Variants in POLR3H observed in about 807,000 individuals in gnomAD.
POLR3H encodes the protein RNA polymerase III subunit H.
Under a neutral mutation model 25.5 loss-of-function variants are expected in POLR3H, and 17 were observed. The observed-to-expected ratio is 0.67, with a 90% CI of 0.46 to 1.00. POLR3H has a LOEUF of 1.00. POLR3H is among the 50% of genes least tolerant of loss of function. The pLI is 0.00. For synonymous variants in POLR3H, 129 were observed against 103.0 expected (o/e 1.25, Z -1.53); for missense variants, 274 against 265.0 (o/e 1.03, Z -0.24).
chr22:41,532,743 G>C lies in POLR3H; in HGVS notation c.211C>G (p.His71Asp). Reference sequence around the variant, plus strand: ...GGATGAAACACCACGCAGCGAAAATGGACTGGAAATGAAGACAGCCCATCA... The same window carrying C: ...GGATGAAACACCACGCAGCGAAAATCGACTGGAAATGAAGACAGCCCATCA... ...PGDGASHTKV[H>D]FRCVVFHPFL... is the part of the protein sequence containing the mutation. Residue 71 changes from histidine to aspartate, a missense_variant and splice_region_variant, in exon 3 of 6, where the codon CAT becomes GAT. His to Asp is a moderately conservative substitution (Grantham distance 81). Coordinates refer to ENST00000355209, the MANE Select transcript of POLR3H (RefSeq NM_001018050.4). 1 of 1,613,716 alleles carries C rather than the reference G, an allele frequency of 6.2e-7. No individual in the cohort carries two copies. The highest frequency in any genetic ancestry group is 1.1e-5 in the South Asian group (1 of 91,046).
At chr22:41,542,461 A>C (rs2066944470) in intron 1 of POLR3H, among the ~76,000 whole-genome samples, 2 of 149,024 alleles carry the variant, frequency 1.3e-5, no homozygotes, top group South Asian at 2.2e-4. Context: ...GCCCCCTCCC[A>C]CCCTAGAAAG....
Position 41,528,791 on chromosome 22 carries a change from C to A in POLR3H, c.*492G>T. 1 of 831,272 alleles carries A rather than the reference C, an allele frequency of 1.2e-6. No individual in the cohort carries two copies. 51.5% of individuals were successfully genotyped at this position (831,272 alleles called of 1,614,324 possible). On this transcript the variant is annotated 3_prime_UTR_variant, in exon 6 of 6. Transcript: ENST00000355209. ...TGTGGTGGGGGGGTTCTTAAAATAACTTTTTAGCCCCCGTCTTCCTATTTT... is the reference window on the plus strand; with the variant it reads ...TGTGGTGGGGGGGTTCTTAAAATAAATTTTTAGCCCCCGTCTTCCTATTTT...
In POLR3H at chr22:41,527,610, G is replaced by A. The variant is rs978915786; in HGVS notation, c.*1673C>T. ...CGCTCAGCTTCCCGGCTTCCCGCAG[G>A]CCCTGCTTCCAGGCTTGTAGATCTG... On this transcript the variant is annotated 3_prime_UTR_variant, in exon 6 of 6. Transcript: ENST00000355209. The A allele has an allele frequency of 1.5e-5, 13 of 885,676 alleles. No individual in the cohort carries two copies. The African/African-American group carries it at 2.2e-4, about 15-fold the overall frequency. 54.9% of individuals were successfully genotyped at this position (885,676 alleles called of 1,614,324 possible). A position where few individuals can be genotyped will look rare whatever the true frequency, so the allele number is the denominator to read the frequency against.
intron 2 of POLR3H, among the ~76,000 whole-genome samples, chr22:41,536,740 C>A (rs994834164): frequency 6.6e-6 from 1 of 151,554 alleles, no homozygotes; most frequent in Non-Finnish European, 1.5e-5. Context: ...GTGGTGGGCA[C>A]CTGTAATCTC....
intron 3 of POLR3H, 119 bp downstream of exon 3, chr22:41,532,540 C>T: frequency 1.9e-6 from 3 of 1,559,614 alleles, no homozygotes; most frequent in Non-Finnish European, 2.6e-6. Context: ...GCTTCTCTGA[C>T]ACCACGGGGA....
rs772901605 is a variant in POLR3H at position 41,532,128 on chromosome 22, T to A, written c.325A>T (p.Ile109Phe). The stretch of plus-strand genomic sequence containing the variant: ...GGCTGCTGCAGTGACTCTGGGGGGA[T>A]GAGAATGTCATCGAAGAAGCCTAGA... ...VSLGFFDDILIPPESLQQPAK... is the reference protein window; with the variant it reads ...VSLGFFDDILFPPESLQQPAK... The change falls in exon 4 of 6, where the codon ATC (isoleucine) becomes TTC (phenylalanine). Residue 109 changes from isoleucine to phenylalanine, a missense_variant. By Grantham distance (21) the Ile-to-Phe change is conservative (BLOSUM62 0). Coordinates refer to ENST00000355209, the MANE Select transcript of POLR3H (RefSeq NM_001018050.4). The A allele has an allele frequency of 2.5e-6, 4 of 1,613,946 alleles. No individual in the cohort carries two copies. Among genetic ancestry groups the A allele is most frequent in the Non-Finnish European group, 3.4e-6 (4 of 1,179,960 alleles).
rs1212452926 is a variant in POLR3H at position 41,527,335 on chromosome 22, G to A, written c.*1948C>T. ...TGATCGGAGACGAGAACTACGGCGA[G>A]GGCTCGAGCCGGGAGCATGCAGCTC... On this transcript the variant is annotated 3_prime_UTR_variant, in exon 6 of 6. Coordinates refer to ENST00000355209, the MANE Select transcript of POLR3H (RefSeq NM_001018050.4). The A allele has an allele frequency of 6.2e-7, 1 of 1,614,040 alleles. No individual in the cohort carries two copies. The highest frequency in any genetic ancestry group is 1.3e-5 in the African/African-American group (1 of 74,936).
chr22:41,536,979 T>TA (rs2066859662), intron 2 of POLR3H, among the ~76,000 whole-genome samples: 1 of 151,504 alleles, frequency 6.6e-6, no homozygotes, highest in South Asian at 2.1e-4. Flanking sequence ...TTAAAAATGT[T>TA]AAAAAATAAA....
Position 41,527,762 on chromosome 22 carries a change from C to T in POLR3H, c.*1521G>A. On this transcript the variant is annotated 3_prime_UTR_variant, in exon 6 of 6. Transcript: ENST00000355209. ...GCACCCCTAGTGAAAGGGAGCAGAC[C>T]AGGGCCCCATAGTCACTGCCCGGGC... 4 of 1,415,296 alleles carry T rather than the reference C, an allele frequency of 2.8e-6. No homozygotes were observed. Among genetic ancestry groups the T allele is most frequent in the Non-Finnish European group, 2.9e-6 (3 of 1,042,506 alleles). 87.7% of individuals were successfully genotyped at this position (1,415,296 alleles called of 1,614,324 possible).
In POLR3H at chr22:41,527,941, C is replaced by T. The variant is rs182234596; in HGVS notation, c.*1342G>A. ...AACAGGGCCTGCTGCCTCTGACCTTCGCTGACCCGGCTGACTACAACAAGA... is the reference window on the plus strand; with the variant it reads ...AACAGGGCCTGCTGCCTCTGACCTTTGCTGACCCGGCTGACTACAACAAGA... On this transcript the variant is annotated 3_prime_UTR_variant, in exon 6 of 6. Coordinates refer to ENST00000355209, the MANE Select transcript of POLR3H (RefSeq NM_001018050.4). The T allele has an allele frequency of 3.4e-4, 549 of 1,614,198 alleles. 3 individuals are homozygous for T. The highest frequency in any genetic ancestry group is 3.0e-4 in the Non-Finnish European group (358 of 1,180,030).
Position 41,528,662 on chromosome 22 carries a change from G to A in POLR3H, c.*621C>T, listed in dbSNP as rs1381494069. 1.2e-6 allele frequency: 2 copies of A among 1,600,284 alleles called. No individual in the cohort carries two copies. Among genetic ancestry groups the A allele is most frequent in the Middle Eastern group, 2.0e-4 (1 of 4,940 alleles). ...GCTGGCGTCAAGTTCAGCTCCACGT[G>A]TGCCATCAGTGGATCCGATCCGTCC... On this transcript the variant is annotated 3_prime_UTR_variant, in exon 6 of 6. Transcript: ENST00000355209.
intron 2 of POLR3H, chr22:41,539,646 C>G (rs2066899948): frequency 6.6e-6 from 1 of 152,308 alleles, no homozygotes; most frequent in South Asian, 2.1e-4. Context: ...ATCCCCTCAC[C>G]CTAGCCAACG....
At chr22:41,543,575 C>T (rs903532193) in intron 1 of POLR3H, among the ~76,000 whole-genome samples, 12 of 152,172 alleles carry the variant, frequency 7.9e-5, no homozygotes, top group Admixed American at 7.9e-4. Flanking sequence ...GAGCCGAGAT[C>T]GCGCCACTGC....
Position 41,527,385 on chromosome 22 carries a change from G to A in POLR3H, c.*1898C>T, listed in dbSNP as rs200345386. 129 of 1,613,316 alleles carry A rather than the reference G, an allele frequency of 8.0e-5. No individual in the cohort carries two copies. Among genetic ancestry groups the A allele is most frequent in the Admixed American group, 2.2e-4 (13 of 59,956 alleles). On this transcript the variant is annotated 3_prime_UTR_variant, in exon 6 of 6. Transcript: ENST00000355209. ...CTGGAGCCTCGCCACCTTGGGGGCC[G>A]GGCCATCATCACCAAGAGCTTTGCC...
In POLR3H at chr22:41,528,289, T is replaced by TG; in HGVS notation, c.*993dup. 1 of 895,500 alleles carries TG rather than the reference T, an allele frequency of 1.1e-6. No individual in the cohort carries two copies. The highest frequency in any genetic ancestry group is 1.8e-5 in the South Asian group (1 of 57,032). The allele number at this position is 895,500 out of a possible 1,614,324, so 55.5% of individuals were successfully genotyped here. A position where few individuals can be genotyped will look rare whatever the true frequency, so the allele number is the denominator to read the frequency against. On this transcript the variant is annotated 3_prime_UTR_variant, in exon 6 of 6. Coordinates refer to ENST00000355209, the MANE Select transcript of POLR3H (RefSeq NM_001018050.4). ...ACAGCCCACCCACTGCAGGACCCTC[T>TG]GGGCCCCAGGAATCCCCTGTAGGTG...
intron 1 of POLR3H, among the ~76,000 whole-genome samples, chr22:41,541,152 C>A (rs914718705): frequency 1.3e-5 from 2 of 152,136 alleles, no homozygotes; most frequent in African/African-American, 4.8e-5. Context: ...AGATGTGAAG[C>A]CCCTAGCCTT....
At position 41,526,959 on chromosome 22, in the gene POLR3H, G is replaced by GCAT; in HGVS notation, c.*2321_*2323dup. 2.3e-6 allele frequency: 1 copy of GCAT among 429,530 alleles called. No individual in the cohort carries two copies. Among genetic ancestry groups the GCAT allele is most frequent in the South Asian group, 2.8e-5 (1 of 35,656 alleles). 26.6% of individuals were successfully genotyped at this position (429,530 alleles called of 1,614,324 possible). A position where few individuals can be genotyped will look rare whatever the true frequency, so the allele number is the denominator to read the frequency against. On this transcript the variant is annotated 3_prime_UTR_variant, in exon 6 of 6. Coordinates refer to ENST00000355209, the MANE Select transcript of POLR3H (RefSeq NM_001018050.4). ...AGGGGGCGCCTTGAGCTTCACAGAT[G>GCAT]CATCTTGTGTGGGGCCCGGAGGCCG...
chr22:41,530,216 G>A (rs1421891494), intron 5 of POLR3H, among the ~76,000 whole-genome samples: 1 of 149,852 alleles, frequency 6.7e-6, no homozygotes, highest in Non-Finnish European at 1.5e-5. Context: ...TGGGCTTAAG[G>A]GATACTCCCA....
In POLR3H at chr22:41,528,594, T is replaced by C. The variant is rs1474191289; in HGVS notation, c.*689A>G. ...CGCGCTGGCAGTGCCCTCAACAGAATGAAGGAACTGCAACAGTGAGGGCAG... is the reference window on the plus strand; with the variant it reads ...CGCGCTGGCAGTGCCCTCAACAGAACGAAGGAACTGCAACAGTGAGGGCAG... On this transcript the variant is annotated 3_prime_UTR_variant, in exon 6 of 6. Coordinates refer to ENST00000355209, the MANE Select transcript of POLR3H (RefSeq NM_001018050.4). 2 of 1,611,570 alleles carry C rather than the reference T, an allele frequency of 1.2e-6. No individual in the cohort carries two copies. Among genetic ancestry groups the C allele is most frequent in the Non-Finnish European group, 1.7e-6 (2 of 1,179,910 alleles).
Sources: allele counts gnomAD v4.1 joint callset (sites outside exome capture counted in the v4.1 genomes callset), GRCh38; gene constraint gnomAD v4.1.1; transcripts MANE v1.5; gene names NCBI Gene and HGNC (gene_info 2026-07-23, HGNC 2026-07-21).